The following SPIRE1 variants were observed in gnomAD, a reference collection of about 807,000 sequenced individuals.
The protein encoded by SPIRE1 is protein spire homolog 1.
SPIRE1 carries 40 observed loss-of-function variants against 94.1 expected under a neutral mutation model. That is an observed-to-expected ratio of 0.43 (90% CI 0.33 to 0.55). SPIRE1 has a LOEUF of 0.55. Ranked by LOEUF, SPIRE1 falls within the 20% of genes least tolerant of loss-of-function variation. The probability of loss-of-function intolerance (pLI) is 0.06; values close to 1 mark genes in which losing one functional copy is unlikely to be tolerated. For synonymous variants in SPIRE1, 376 were observed against 371.7 expected (o/e 1.01, Z -0.13); for missense variants, 838 against 975.2 (o/e 0.86, Z 1.87).
At chr18:12,580,869 A>C (rs1364715121) in intron 2 of SPIRE1, among the ~76,000 whole-genome samples, 1 of 152,150 alleles carries the variant, frequency 6.6e-6, no homozygotes, top group African/African-American at 2.4e-5. Flanking sequence ...TTGGAGAGAA[A>C]GCAGTAGAGC....
chr18:12,514,360 C>G lies in SPIRE1; in HGVS notation c.730-1829G>C, dbSNP rs141900281. Among the ~76,000 whole-genome samples, 167 of 152,270 alleles carry G rather than the reference C, an allele frequency of 1.1e-3. 1 individual carries two copies. The highest frequency in any genetic ancestry group is 6.6e-3 in the East Asian group (34 of 5,184). ...CTCTAGTTTATGTCTTTTTCCATAG[C>G]TCTTCCTACCTTTTAGTGGTCTACA... On this transcript the variant is annotated intron_variant, in intron 4 of 16. Transcript: ENST00000409402.
intron 1 of SPIRE1, among the ~76,000 whole-genome samples, chr18:12,639,891 T>C (rs1288009492): frequency 6.6e-6 from 1 of 151,596 alleles, no homozygotes; most frequent in Non-Finnish European, 1.5e-5. Context: ...AAAAATTTAT[T>C]AGACGAGTCC....
intron 2 of SPIRE1, among the ~76,000 whole-genome samples, chr18:12,624,945 CA>C (rs2037578882): frequency 1.3e-5 from 2 of 148,160 alleles, no homozygotes; most frequent in Non-Finnish European, 3.0e-5. Context: ...AAAAACTATT[CA>C]AAGGAACACT....
At chr18:12,605,404 G>A (rs1480493798) in intron 2 of SPIRE1, among the ~76,000 whole-genome samples, 1 of 152,198 alleles carries the variant, frequency 6.6e-6, no homozygotes, top group Non-Finnish European at 1.5e-5. Flanking sequence ...TACTCAGGAG[G>A]CTGAGGCAGG....
chr18:12,619,920 C>CA (rs1384556341), intron 2 of SPIRE1, among the ~76,000 whole-genome samples: 2 of 150,780 alleles, frequency 1.3e-5, no homozygotes, highest in African/African-American at 4.9e-5. Context: ...TCTCTATTCA[C>CA]AGATGACATA....
intron 2 of SPIRE1, among the ~76,000 whole-genome samples, chr18:12,560,703 T>A (rs1004215610): frequency 1.3e-5 from 2 of 151,978 alleles, no homozygotes; most frequent in Non-Finnish European, 2.9e-5. Flanking sequence ...ATACAAAAAA[T>A]TAGCCAGGCA....
chr18:12,612,095 A>T (rs2037159552), intron 2 of SPIRE1, among the ~76,000 whole-genome samples: 1 of 152,076 alleles, frequency 6.6e-6, no homozygotes, highest in Non-Finnish European at 1.5e-5. Context: ...ACCCACTCCA[A>T]TAAGCCTTTT....
At chr18:12,464,775 A>T in intron 11 of SPIRE1, 93 bp downstream of exon 11, 1 of 967,314 alleles carries the variant, frequency 1.0e-6, no homozygotes. Flanking sequence ...TCTACCCTAG[A>T]TGATCACAGG....
At chr18:12,524,823 A>T (rs577783704) in intron 4 of SPIRE1, among the ~76,000 whole-genome samples, 1 of 152,154 alleles carries the variant, frequency 6.6e-6, no homozygotes, top group Admixed American at 6.6e-5. Context: ...AAATAAAAAT[A>T]AAAAAATCAG....
chr18:12,626,045 C>CG (rs1555633947), intron 2 of SPIRE1, among the ~76,000 whole-genome samples: 1 of 143,022 alleles, frequency 7.0e-6, no homozygotes, highest in Non-Finnish European at 1.6e-5. Flanking sequence ...CCGCCCCGCC[C>CG]CCCCCCAAAA....
intron 1 of SPIRE1, among the ~76,000 whole-genome samples, chr18:12,644,727 A>G (rs1307819300): frequency 6.6e-6 from 1 of 152,230 alleles, no homozygotes; most frequent in African/African-American, 2.4e-5. Context: ...ATAGACTTCC[A>G]AACATATATT....
intron 1 of SPIRE1, among the ~76,000 whole-genome samples, chr18:12,636,517 GA>G (rs71174117): frequency 3.4e-5 from 5 of 149,062 alleles, no homozygotes; most frequent in African/African-American, 1.2e-4. Flanking sequence ...TGAGTTGGTT[GA>G]AAAAAAAACA....
rs2031303361 is a variant in SPIRE1, at chr18:12,452,637, T to C, written c.1848-125A>G. 6 of 971,964 alleles carry C rather than the reference T, an allele frequency of 6.2e-6. No individual in the cohort carries two copies. In the Admixed American group the frequency reaches 1.1e-4, roughly 18 times the overall value. The allele number at this position is 971,964 out of a possible 1,614,324, so 60.2% of individuals were successfully genotyped here. On this transcript the variant is annotated intron_variant, in intron 14 of 16. Coordinates refer to ENST00000409402, the MANE Select transcript of SPIRE1 (RefSeq NM_001128626.2). The stretch of plus-strand genomic sequence containing the variant: ...ACTGCATAACTCTCCCTTCTTCTAT[T>C]AGAATGTAACAAATTGACACACTGA...
At chr18:12,488,250 A>G (rs1391120960) in intron 8 of SPIRE1, among the ~76,000 whole-genome samples, 1 of 152,134 alleles carries the variant, frequency 6.6e-6, no homozygotes, top group African/African-American at 2.4e-5. Flanking sequence ...TTTTCCTTGT[A>G]ATTTTTTTGT....
intron 2 of SPIRE1, among the ~76,000 whole-genome samples, chr18:12,615,345 A>AAAAAAAAAAAAAAAAAAAATATAT: frequency 1.7e-4 from 3 of 17,244 alleles, no homozygotes; most frequent in Non-Finnish European, 5.6e-4. Context: ...AAAAAAAAAA[A>AAAAAAAAAAAAAAAAAAAATATAT]ATATATATAT....
intron 1 of SPIRE1, among the ~76,000 whole-genome samples, chr18:12,654,770 C>T (rs1408942750): frequency 3.3e-5 from 5 of 152,130 alleles, no homozygotes; most frequent in Non-Finnish European, 5.9e-5. Flanking sequence ...TGGCTCACGC[C>T]TGCAATCCCA....
chr18:12,564,618 T>C (rs567012309), intron 2 of SPIRE1, among the ~76,000 whole-genome samples: 4 of 152,116 alleles, frequency 2.6e-5, no homozygotes, highest in South Asian at 2.1e-4. Context: ...GTCCCCAAGA[T>C]TGGAGAGGCA....
chr18:12,578,455 T>A (rs76740817), intron 2 of SPIRE1, among the ~76,000 whole-genome samples: 2,975 of 152,258 alleles, frequency 0.02, 107 homozygotes, highest in African/African-American at 0.068. Flanking sequence ...AAAAAACACA[T>A]TCTGTATAGT....
intron 5 of SPIRE1, among the ~76,000 whole-genome samples, chr18:12,509,104 G>A (rs548453385): frequency 6.6e-6 from 1 of 152,184 alleles, no homozygotes; most frequent in Non-Finnish European, 1.5e-5. Context: ...ATGCATTCCT[G>A]GAGATTATAA....
Sources: allele counts gnomAD v4.1 joint callset (sites outside exome capture counted in the v4.1 genomes callset), GRCh38; gene constraint gnomAD v4.1.1; transcripts MANE v1.5; gene names NCBI Gene and HGNC (gene_info 2026-07-23, HGNC 2026-07-21).